The following MARCHF5 variants were observed in gnomAD, a reference collection of about 807,000 sequenced individuals.
MARCHF5 encodes the protein E3 ubiquitin-protein ligase MARCHF5.
MARCHF5 carries 5 observed loss-of-function variants against 36.5 expected under a neutral mutation model. The observed-to-expected ratio is 0.14, with a 90% confidence interval of 0.07 to 0.29. MARCHF5 has a LOEUF of 0.29. Ranked by LOEUF, MARCHF5 falls within the 10% of genes least tolerant of loss-of-function variation. MARCHF5 has a pLI of 1.00. For missense variants in MARCHF5, 179 were observed against 336.3 expected (o/e 0.53, Z 3.66); for synonymous variants, 103 against 109.9 (o/e 0.94, Z 0.39).
At chr10:92,333,575 A>C in intron 2 of MARCHF5, 1 of 839,718 alleles carries the variant, frequency 1.2e-6, no homozygotes, top group South Asian at 5.4e-5. Flanking sequence ...AGACAACTGA[A>C]CAAACATTGA....
At position 92,317,090 on chromosome 10, in the gene MARCHF5, C is replaced by G. The variant is rs576791692; in HGVS notation, c.238+5753C>G. On this transcript the variant is annotated intron_variant, in intron 2 of 5. Transcript: ENST00000358935. ...TTGACTCCCAAGGGACTGATTCACA[C>G]TAGATTTATTTTCTTTTATTATTAT... Among the ~76,000 whole-genome samples the G allele has an allele frequency of 4.6e-5, 7 of 152,152 alleles. No homozygotes were observed. The East Asian group carries it at 7.7e-4, about 17-fold the overall frequency.
chr10:92,309,914 G>A (rs1843124309), intron 1 of MARCHF5, among the ~76,000 whole-genome samples: 1 of 151,684 alleles, frequency 6.6e-6, no homozygotes, highest in African/African-American at 2.4e-5. Flanking sequence ...GGGTCAAAAG[G>A]GTCAGAATGC....
Position 92,291,377 on chromosome 10 carries a change from C to T in MARCHF5, c.-118C>T. On this transcript the variant is annotated 5_prime_UTR_variant, in exon 1 of 6. It adds an upstream start codon to the 5' untranslated region. Transcript: ENST00000358935. ...GGAGCTGCCCCGGGAAGCTGGGTGA[C>T]GGGTTCGCGGCTGCCGCCGGACTGC... The T allele has an allele frequency of 1.1e-6, 1 of 920,908 alleles. No individual in the cohort carries two copies. The highest frequency in any genetic ancestry group is 1.7e-6 in the Non-Finnish European group (1 of 585,010). The allele number at this position is 920,908 out of a possible 1,614,324, so 57.0% of individuals were successfully genotyped here.
chr10:92,291,334 C>A lies in MARCHF5; in HGVS notation c.-161C>A. The A allele has an allele frequency of 5.9e-6, 4 of 677,468 alleles. No homozygotes were observed. Among genetic ancestry groups the A allele is most frequent in the South Asian group, 5.0e-5 (3 of 59,804 alleles). The allele number at this position is 677,468 out of a possible 1,614,324, so 42.0% of individuals were successfully genotyped here. On this transcript the variant is annotated 5_prime_UTR_variant, in exon 1 of 6. Coordinates refer to ENST00000358935, the MANE Select transcript of MARCHF5 (RefSeq NM_017824.5). ...CGCCGGACTCCCGCAGGCCCTGCAC[C>A]GCCGCCGCCAGGCTAGCGGAGCTGC...
At chr10:92,304,892 C>T in intron 1 of MARCHF5, among the ~76,000 whole-genome samples, 1 of 152,146 alleles carries the variant, frequency 6.6e-6, no homozygotes, top group East Asian at 1.9e-4. Flanking sequence ...ATGTAGTTAG[C>T]AGGGGTTTGA....
chr10:92,348,999 G>A (rs1407842503), intron 3 of MARCHF5, among the ~76,000 whole-genome samples: 1 of 152,168 alleles, frequency 6.6e-6, no homozygotes, highest in Non-Finnish European at 1.5e-5. Flanking sequence ...AGACAAATAG[G>A]ACTTAGAATT....
intron 2 of MARCHF5, chr10:92,333,683 G>C (rs1843467222): frequency 3.0e-6 from 3 of 983,944 alleles, no homozygotes; most frequent in African/African-American, 1.7e-5. Context: ...TGGACAGGGT[G>C]GGGTAGTCAG....
intron 2 of MARCHF5, among the ~76,000 whole-genome samples, chr10:92,336,841 G>T (rs1442864353): frequency 6.6e-6 from 1 of 152,188 alleles, no homozygotes. Flanking sequence ...AGATGTTCTG[G>T]GATTGGCCCA....
At chr10:92,319,359 G>C (rs1416731955) in intron 2 of MARCHF5, among the ~76,000 whole-genome samples, 3 of 148,038 alleles carry the variant, frequency 2.0e-5, no homozygotes, top group Non-Finnish European at 4.5e-5. Context: ...GCAGTGGCGC[G>C]ATCTCGACTC....
chr10:92,300,367 C>A (rs925724540), intron 1 of MARCHF5, among the ~76,000 whole-genome samples: 21 of 151,456 alleles, frequency 1.4e-4, no homozygotes, highest in African/African-American at 5.1e-4. Context: ...GTGGCCCACA[C>A]CTGTAATTGC....
chr10:92,351,003 C>T (rs2255617), intron 5 of MARCHF5, 88 bp from the exon 6 acceptor site: 465 of 717,284 alleles, frequency 6.5e-4, no homozygotes, highest in Admixed American at 1.1e-3. Flanking sequence ...TCAAAGCCTA[C>T]GTCTTTTGTG....
At chr10:92,320,251 C>T (rs987106907) in intron 2 of MARCHF5, among the ~76,000 whole-genome samples, 7 of 151,636 alleles carry the variant, frequency 4.6e-5, no homozygotes, top group African/African-American at 1.7e-4. Flanking sequence ...GAGACAAGGT[C>T]GTGCTTTGTT....
At chr10:92,310,058 A>G (rs1441159132) in intron 1 of MARCHF5, among the ~76,000 whole-genome samples, 1 of 152,190 alleles carries the variant, frequency 6.6e-6, no homozygotes, top group Non-Finnish European at 1.5e-5. Flanking sequence ...TTCTAATTGA[A>G]AAATTGTAAT....
At chr10:92,318,493 G>T (rs1418860264) in intron 2 of MARCHF5, among the ~76,000 whole-genome samples, 1 of 151,798 alleles carries the variant, frequency 6.6e-6, no homozygotes, top group African/African-American at 2.4e-5. Flanking sequence ...GGACAAGGCA[G>T]GCAGATTGCT....
intron 2 of MARCHF5, among the ~76,000 whole-genome samples, chr10:92,332,809 G>A (rs540984352): frequency 1.3e-4 from 19 of 150,166 alleles, no homozygotes; most frequent in Non-Finnish European, 2.1e-4. Flanking sequence ...GTGAGCCACC[G>A]CACCCAGCCT....
At chr10:92,340,297 A>T (rs1843564564) in intron 2 of MARCHF5, among the ~76,000 whole-genome samples, 1 of 152,232 alleles carries the variant, frequency 6.6e-6, no homozygotes, top group Admixed American at 6.5e-5. Context: ...ACGAGAATTT[A>T]TGAAGTAATA....
chr10:92,295,359 G>T (rs1590641903), intron 1 of MARCHF5, among the ~76,000 whole-genome samples: 2 of 81,996 alleles, frequency 2.4e-5, no homozygotes, highest in Non-Finnish European at 4.7e-5. Context: ...GTCTCACTCT[G>T]TCACTTGGGC....
chr10:92,311,032 T>G, intron 1 of MARCHF5, 103 bp from the exon 2 acceptor site: 2 of 765,332 alleles, frequency 2.6e-6, no homozygotes, highest in Non-Finnish European at 4.3e-6. Flanking sequence ...AGAGATTCTG[T>G]AATATAACAT....
At chr10:92,319,247 A>G (rs923253832) in intron 2 of MARCHF5, among the ~76,000 whole-genome samples, 1 of 152,174 alleles carries the variant, frequency 6.6e-6, no homozygotes, top group Non-Finnish European at 1.5e-5. Context: ...TATACAGTAC[A>G]TAATGCTTGG....
Sources: allele counts gnomAD v4.1 joint callset (sites outside exome capture counted in the v4.1 genomes callset), GRCh38; gene constraint gnomAD v4.1.1; transcripts MANE v1.5; gene names NCBI Gene and HGNC (gene_info 2026-07-23, HGNC 2026-07-21).